TMEM43: variants seen among roughly 807,000 people sequenced by gnomAD.
The protein encoded by TMEM43 is transmembrane protein 43, also known as arrhythmogenic right ventricular dysplasia 5.
A neutral mutation model predicts 49.6 loss-of-function variants in TMEM43; 45 were observed. The observed-to-expected ratio is 0.91, with a 90% CI of 0.71 to 1.16. The LOEUF is 1.16. Ranked by LOEUF, TMEM43 falls within the 50% of genes most tolerant of loss-of-function variation. The pLI, the probability that TMEM43 is intolerant of heterozygous loss-of-function variation, is 0.00. For synonymous variants in TMEM43, 199 were observed against 207.8 expected (o/e 0.96, Z 0.36); for missense variants, 532 against 516.6 (o/e 1.03, Z -0.29).
rs749837282 is a variant in TMEM43 at position 14,130,957 on chromosome 3, G to A, written c.297+1G>A. 2 of 1,609,146 alleles carry A rather than the reference G, an allele frequency of 1.2e-6. No individual in the cohort carries two copies. Among genetic ancestry groups the A allele is most frequent in the Non-Finnish European group, 1.7e-6 (2 of 1,176,272 alleles). On this transcript the variant is annotated splice_donor_variant, in intron 3 of 11. Coordinates refer to ENST00000306077, the MANE Select transcript of TMEM43 (RefSeq NM_024334.3). LOFTEE classifies it high-confidence loss of function. Reference sequence around the variant, plus strand: ...CATTGGCGCCTTACGGACATCCAAGGTAGGTTTGGCAGGGGATGCTGACCT... The same window carrying A: ...CATTGGCGCCTTACGGACATCCAAGATAGGTTTGGCAGGGGATGCTGACCT...
chr3:14,133,664 A>G (rs1695128162), intron 6 of TMEM43, 75 bp from the exon 7 acceptor site: 2 of 1,419,784 alleles, frequency 1.4e-6, no homozygotes, highest in Non-Finnish European at 2.0e-6. Context: ...GACCCTGCCC[A>G]GCACAAACAA....
At chr3:14,128,353 T>C (rs1559359696) in intron 1 of TMEM43, among the ~76,000 whole-genome samples, 2 of 152,080 alleles carry the variant, frequency 1.3e-5, no homozygotes, top group Admixed American at 6.5e-5. Flanking sequence ...CCTCCACTGC[T>C]CCCACCCAGC....
chr3:14,131,987 C>G (rs1163350731), intron 4 of TMEM43, among the ~76,000 whole-genome samples: 1 of 152,110 alleles, frequency 6.6e-6, no homozygotes. Context: ...ATGTCAACCC[C>G]GAGACCCCAC....
chr3:14,143,679 T>C lies in TMEM43; in HGVS notation c.*1884T>C, dbSNP rs886058044. 8 of 152,192 alleles carry C rather than the reference T, an allele frequency of 5.3e-5. No individual in the cohort carries two copies. Among genetic ancestry groups the C allele is most frequent in the Non-Finnish European group, 1.2e-4 (8 of 68,028 alleles). The allele number at this position is 152,192 out of a possible 1,614,324, so 9.4% of individuals were successfully genotyped here. On this transcript the variant is annotated 3_prime_UTR_variant, in exon 12 of 12. Coordinates refer to ENST00000306077, the MANE Select transcript of TMEM43 (RefSeq NM_024334.3). ...AGTTTTGTAATAAATTTCTAAATTA[T>C]CTTCTGGTGTGGGACTTTAACAAAC... is the stretch of plus-strand genomic sequence containing the variant.
chr3:14,129,046 C>T (rs1476771663), intron 1 of TMEM43: 3 of 440,800 alleles, frequency 6.8e-6, no homozygotes, highest in Non-Finnish European at 1.4e-5. Flanking sequence ...TGCCCTGATT[C>T]CATTTTTCTC....
intron 1 of TMEM43, chr3:14,128,738 T>G: frequency 3.9e-6 from 1 of 259,110 alleles, no homozygotes; most frequent in Non-Finnish European, 7.7e-6. Flanking sequence ...AAGTTAAACG[T>G]ACATCTTCTT....
At position 14,126,764 on chromosome 3, in the gene TMEM43, A is replaced by C. The variant is rs548291447; in HGVS notation, c.12+1559A>C. On this transcript the variant is annotated intron_variant, in intron 1 of 11. Transcript: ENST00000306077. ...ATTTGAGTATTCTCTGCTGCCAAGC[A>C]TTTTTTGATTCATCCAGTAGCTGAG... Among the ~76,000 whole-genome samples the C allele has an allele frequency of 5.9e-5, 9 of 152,308 alleles. No individual in the cohort carries two copies. In the South Asian group the frequency reaches 1.7e-3, roughly 28 times the overall value.
Position 14,125,205 on chromosome 3 carries a change from T to G in TMEM43, c.12T>G (p.Asn4Lys), listed in dbSNP as rs1235789714. ...AGCCGGGTCCCACCATGGCCGCGAA[T>G]GTGAGTATCCCCGGGCCAGCCGGGC... The part of the protein sequence containing the change: MAA[N>K]YSSTSTRREH... Residue 4 changes from asparagine (N) to lysine (K), a missense_variant and splice_region_variant, in exon 1 of 12, where the codon AAT (asparagine) becomes AAG (lysine). Asn to Lys is a moderately conservative substitution (Grantham distance 94). Transcript: ENST00000306077. The G allele has an allele frequency of 6.2e-7, 1 of 1,609,956 alleles. No individual in the cohort carries two copies. Among genetic ancestry groups the G allele is most frequent in the South Asian group, 1.1e-5 (1 of 90,512 alleles).
At chr3:14,130,792 G>A in intron 2 of TMEM43, 30 bp from the exon 3 acceptor site, 2 of 1,612,798 alleles carry the variant, frequency 1.2e-6, no homozygotes, top group Non-Finnish European at 1.7e-6. Flanking sequence ...CCCCTGAGCT[G>A]TTGAAATCCC....
At chr3:14,133,896 G>A in intron 7 of TMEM43, 87 bp downstream of exon 7, 1 of 1,194,772 alleles carries the variant, frequency 8.4e-7, no homozygotes, top group Admixed American at 1.7e-5. Flanking sequence ...GCCTTCAGAG[G>A]GCTAAAGGCA....
chr3:14,135,035 C>A, intron 8 of TMEM43, 123 bp from the exon 9 acceptor site: 1 of 1,495,248 alleles, frequency 6.7e-7, no homozygotes, highest in Non-Finnish European at 9.2e-7. Context: ...TGGGTGACGG[C>A]ACAGCCTGGG....
chr3:14,131,424 G>A (rs1331295871), intron 3 of TMEM43, among the ~76,000 whole-genome samples, 156 bp from the exon 4 acceptor site: 1 of 152,248 alleles, frequency 6.6e-6, no homozygotes, highest in Non-Finnish European at 1.5e-5. Context: ...GACAGGGAGT[G>A]TCCTCGATTC....
chr3:14,134,679 G>A lies in TMEM43; in HGVS notation c.584-91G>A, dbSNP rs1446711309. On this transcript the variant is annotated intron_variant, in intron 7 of 11. Coordinates refer to ENST00000306077, the MANE Select transcript of TMEM43 (RefSeq NM_024334.3). ...GGGAGTGCCACGTGTGCAGGCTCCA[G>A]GGGTGCAGTGGAAGGGGGTCAGGCC... 3.8e-6 allele frequency: 6 copies of A among 1,562,870 alleles called. No individual in the cohort carries two copies. The East Asian group carries it at 1.1e-4, about 29-fold the overall frequency.
chr3:14,136,408 C>T (rs111348849), intron 10 of TMEM43, among the ~76,000 whole-genome samples: 2,434 of 152,238 alleles, frequency 0.016, 31 homozygotes, highest in Middle Eastern at 0.072. Context: ...ACAGACTGTC[C>T]GGTAGAGGAG....
chr3:14,134,033 G>T lies in TMEM43; in HGVS notation c.583+224G>T, dbSNP rs150282151. On this transcript the variant is annotated intron_variant, in intron 7 of 11. Coordinates refer to ENST00000306077, the MANE Select transcript of TMEM43 (RefSeq NM_024334.3). ...TCCTACCAGGTTCCTCTGAAATCTG[G>T]GTTGTTCCAGAGAATGACTCAGGCA... Among the ~76,000 whole-genome samples, 406 of 152,284 alleles carry T rather than the reference G, an allele frequency of 2.7e-3. 3 individuals are homozygous for T. Among genetic ancestry groups the T allele is most frequent in the African/African-American group, 9.3e-3 (388 of 41,550 alleles).
Position 14,141,660 on chromosome 3 carries a change from C to T in TMEM43, c.1068C>T (p.Ala356=). Residue 356 remains alanine, a synonymous_variant, in exon 12 of 12, where the codon GCC becomes GCT. Transcript: ENST00000306077. ...IGLKAFAFCV[A]TSLTLLTVAA... ...TGAAAGCCTTTGCCTTCTGTGTGGC[C>T]ACCTCGCTGACCCTGCTGACCGTGG... The T allele has an allele frequency of 6.2e-7, 1 of 1,614,224 alleles. No homozygotes were observed. The highest frequency in any genetic ancestry group is 1.1e-5 in the South Asian group (1 of 91,086).
intron 11 of TMEM43, 91 bp downstream of exon 11, chr3:14,139,388 G>A: frequency 1.1e-6 from 1 of 928,150 alleles, no homozygotes; most frequent in Admixed American, 1.7e-5. Flanking sequence ...CCAGCCTGAT[G>A]GGATGGCCCT....
intron 10 of TMEM43, among the ~76,000 whole-genome samples, chr3:14,138,212 A>C (rs1300568332): frequency 6.6e-6 from 1 of 152,206 alleles, no homozygotes; most frequent in Non-Finnish European, 1.5e-5. Flanking sequence ...CGTTGTAGGC[A>C]GAGCAAACCC....
chr3:14,141,812 G>A lies in TMEM43; in HGVS notation c.*17G>A, dbSNP rs979264625. 1.1e-5 allele frequency: 17 copies of A among 1,608,444 alleles called. No individual in the cohort carries two copies. The highest frequency in any genetic ancestry group is 2.7e-5 in the African/African-American group (2 of 74,812). ...TTGGAGTGAAAAGACCCTGGCACCC[G>A]CCCGACACCTGCGTGAGCCCTAGGA... On this transcript the variant is annotated 3_prime_UTR_variant, in exon 12 of 12. Coordinates refer to ENST00000306077, the MANE Select transcript of TMEM43 (RefSeq NM_024334.3).
Sources: allele counts gnomAD v4.1 joint callset (sites outside exome capture counted in the v4.1 genomes callset), GRCh38; gene constraint gnomAD v4.1.1; transcripts MANE v1.5; gene names NCBI Gene and HGNC (gene_info 2026-07-23, HGNC 2026-07-21).